The following ST6GAL1 variants were observed in gnomAD, a reference collection of about 807,000 sequenced individuals.
ST6GAL1 encodes the protein beta-galactoside alpha-2,6-sialyltransferase 1.
Under a neutral mutation model 38.0 loss-of-function variants are expected in ST6GAL1, and 20 were observed. The observed-to-expected ratio is 0.53, with a 90% CI of 0.37 to 0.77. The LOEUF is 0.77. Ranked by LOEUF, ST6GAL1 falls within the 30% of genes least tolerant of loss-of-function variation. The probability of loss-of-function intolerance (pLI) is 0.00; values close to 1 mark genes in which losing one functional copy is unlikely to be tolerated. For missense variants in ST6GAL1, 432 were observed against 496.4 expected (o/e 0.87, Z 1.23); for synonymous variants, 196 against 188.2 (o/e 1.04, Z -0.34).
At chr3:187,005,341 T>C (rs2108555278) in intron 2 of ST6GAL1, among the ~76,000 whole-genome samples, 1 of 150,036 alleles carries the variant, frequency 6.7e-6, no homozygotes, top group African/African-American at 2.5e-5. Flanking sequence ...AGTGGCGCGA[T>C]CTCGGCTCAG....
intron 4 of ST6GAL1, among the ~76,000 whole-genome samples, chr3:187,046,853 A>G (rs1718314282): frequency 6.6e-6 from 1 of 152,256 alleles, no homozygotes; most frequent in African/African-American, 2.4e-5. Flanking sequence ...TGCAGAAGTA[A>G]CAATAGATAG....
At chr3:187,030,697 G>T (rs550348397) in intron 2 of ST6GAL1, among the ~76,000 whole-genome samples, 1 of 152,136 alleles carries the variant, frequency 6.6e-6, no homozygotes, top group African/African-American at 2.4e-5. Context: ...GCCTCCCAAA[G>T]TGCTGGGATT....
intron 2 of ST6GAL1, among the ~76,000 whole-genome samples, chr3:186,993,556 TTTTATTTATTTATTTA>T (rs71167027): frequency 0.017 from 1,523 of 88,234 alleles, 38 homozygotes; most frequent in African/African-American, 0.047. Flanking sequence ...CTTGACAGAG[TTTTATTTATTTATTTA>T]TTTATTTATT....
intron 2 of ST6GAL1, among the ~76,000 whole-genome samples, chr3:187,002,574 C>A (rs985244299): frequency 6.6e-6 from 1 of 152,194 alleles, no homozygotes; most frequent in African/African-American, 2.4e-5. Flanking sequence ...GGCTTTCTTG[C>A]CGCTAAGCAT....
chr3:186,970,085 A>G (rs1229463230), intron 2 of ST6GAL1, among the ~76,000 whole-genome samples: 1 of 152,200 alleles, frequency 6.6e-6, no homozygotes. Context: ...TAATTATAGT[A>G]CAATATCAAA....
chr3:186,966,075 T>G (rs1715102056), intron 2 of ST6GAL1, among the ~76,000 whole-genome samples: 1 of 152,168 alleles, frequency 6.6e-6, no homozygotes, highest in Non-Finnish European at 1.5e-5. Flanking sequence ...TTATTTTGTA[T>G]TTTTAGTAGA....
At chr3:186,984,788 C>A (rs1715833135) in intron 2 of ST6GAL1, among the ~76,000 whole-genome samples, 1 of 26,244 alleles carries the variant, frequency 3.8e-5, no homozygotes, top group African/African-American at 1.4e-4. Flanking sequence ...CCCTTCCTCC[C>A]TTCCTTCCTT....
At chr3:186,938,764 C>G (rs2108514111) in intron 1 of ST6GAL1, among the ~76,000 whole-genome samples, 1 of 151,990 alleles carries the variant, frequency 6.6e-6, no homozygotes, top group East Asian at 1.9e-4. Context: ...TATATCATAT[C>G]CCTTGGCTTC....
intron 2 of ST6GAL1, among the ~76,000 whole-genome samples, chr3:187,002,043 C>CTTTTTTTTTTTTTTTTTT (rs1560158350): frequency 1.3e-5 from 2 of 151,618 alleles, no homozygotes; most frequent in African/African-American, 4.8e-5. Flanking sequence ...GCTTTGTTGC[C>CTTTTTTTTTTTTTTTTTT]TTATATTGGT....
intron 2 of ST6GAL1, among the ~76,000 whole-genome samples, chr3:187,032,755 G>A (rs77920683): frequency 0.013 from 1,990 of 152,224 alleles, 40 homozygotes; most frequent in African/African-American, 0.046. Flanking sequence ...CCAGAAAACC[G>A]TCCTTCTTTG....
intron 5 of ST6GAL1, chr3:187,071,845 A>G (rs1021873852): frequency 6.6e-6 from 1 of 151,814 alleles, no homozygotes; most frequent in South Asian, 2.1e-4. Context: ...GCTCAAGATC[A>G]TAGGAAAGTT....
intron 2 of ST6GAL1, among the ~76,000 whole-genome samples, chr3:186,965,640 A>T (rs540297168): frequency 6.6e-6 from 1 of 152,220 alleles, no homozygotes; most frequent in Non-Finnish European, 1.5e-5. Flanking sequence ...AGGCGAAAGT[A>T]CGTACTCCTG....
chr3:187,072,987 G>C (rs201649316), intron 6 of ST6GAL1, 40 bp downstream of exon 6: 3 of 1,494,604 alleles, frequency 2.0e-6, no homozygotes, highest in Non-Finnish European at 2.8e-6. Flanking sequence ...TGAGTTTCCT[G>C]TCTGTCTACA....
At chr3:186,968,832 T>C (rs567197531) in intron 2 of ST6GAL1, among the ~76,000 whole-genome samples, 1 of 152,288 alleles carries the variant, frequency 6.6e-6, no homozygotes, top group South Asian at 2.1e-4. Flanking sequence ...GGGACATAAG[T>C]ATTTATTTCT....
chr3:187,064,734 G>A (rs1719038599), intron 5 of ST6GAL1: 1 of 409,508 alleles, frequency 2.4e-6, no homozygotes, highest in Non-Finnish European at 4.9e-6. Context: ...AACTGTGATG[G>A]ACACTTTCTA....
intron 2 of ST6GAL1, among the ~76,000 whole-genome samples, chr3:187,036,491 A>G (rs114368246): frequency 0.012 from 1,795 of 152,338 alleles, 42 homozygotes; most frequent in African/African-American, 0.04. Flanking sequence ...AAAGAATGGA[A>G]TCAGCCTAGG....
chr3:186,961,985 C>T (rs1260919986), intron 1 of ST6GAL1, among the ~76,000 whole-genome samples: 4 of 152,306 alleles, frequency 2.6e-5, no homozygotes, highest in East Asian at 1.9e-4. Flanking sequence ...AAGACCTCTT[C>T]CCTGACTGCT....
chr3:187,073,939 C>G (rs1196802528), intron 6 of ST6GAL1: 1 of 391,426 alleles, frequency 2.6e-6, no homozygotes, highest in African/African-American at 2.1e-5. Flanking sequence ...GCTCAACTCT[C>G]CCCCAAAGCA....
At chr3:186,954,460 C>T (rs912442768) in intron 1 of ST6GAL1, among the ~76,000 whole-genome samples, 6 of 152,140 alleles carry the variant, frequency 3.9e-5, no homozygotes, top group Middle Eastern at 3.2e-3. Flanking sequence ...AGTGTAAAAG[C>T]GATCTTATTT....
Sources: gnomAD v4.1 joint callset for allele counts (sites outside exome capture counted in the v4.1 genomes callset) on GRCh38, gnomAD v4.1.1 for gene constraint, MANE v1.5 for transcripts, NCBI Gene and HGNC (gene_info 2026-07-23, HGNC 2026-07-21) for gene names.